The following ALPK3 variants were observed in gnomAD, a reference collection of about 807,000 sequenced individuals.
ALPK3 encodes alpha kinase 3, also known as alpha-protein kinase 3.
ALPK3 carries 102 observed loss-of-function variants against 140.0 expected under a neutral mutation model. The observed-to-expected ratio is 0.73, with a 90% CI of 0.62 to 0.86. The LOEUF is 0.86. Ranked by LOEUF, ALPK3 falls within the 40% of genes least tolerant of loss-of-function variation. The probability of loss-of-function intolerance (pLI) is 0.00; values close to 1 mark genes in which losing one functional copy is unlikely to be tolerated. For synonymous variants in ALPK3, 938 were observed against 898.5 expected, an observed-to-expected ratio of 1.04 and a Z score of -0.79; for missense variants, 2,254 against 2,208.2, an observed-to-expected ratio of 1.02 and a Z score of -0.42.
intron 5 of ALPK3, among the ~76,000 whole-genome samples, chr15:84,842,295 A>G (rs573731211): frequency 1.3e-5 from 2 of 152,382 alleles, no homozygotes; most frequent in South Asian, 4.1e-4. Flanking sequence ...CAGCCTCCCA[A>G]AATGTTGGGA....
rs1229855365 is a variant in ALPK3, at chr15:84,871,433, G to T, written c.*2977G>T. ...ACTTCTTTATAATGAGCCTGAAGTG[G>T]CCTGGTGGCTGCCTCAGCTTCCAGT... is the stretch of plus-strand genomic sequence containing the variant. On this transcript the variant is annotated 3_prime_UTR_variant, in exon 14 of 14. Transcript: ENST00000258888. 1 of 152,206 alleles carries T rather than the reference G, an allele frequency of 6.6e-6. No homozygotes were observed. Among genetic ancestry groups the T allele is most frequent in the Non-Finnish European group, 1.5e-5 (1 of 68,050 alleles). 9.4% of individuals were successfully genotyped at this position (152,206 alleles called of 1,614,324 possible). A position where few individuals can be genotyped will look rare whatever the true frequency, so the allele number is the denominator to read the frequency against.
chr15:84,817,782 T>C (rs1222963068), intron 1 of ALPK3, among the ~76,000 whole-genome samples, 187 bp downstream of exon 1: 3 of 152,188 alleles, frequency 2.0e-5, no homozygotes, highest in African/African-American at 7.2e-5. Flanking sequence ...TGACCCCTCC[T>C]GATCCATGCG....
At chr15:84,818,007 G>T (rs1316072680) in intron 1 of ALPK3, among the ~76,000 whole-genome samples, 1 of 152,214 alleles carries the variant, frequency 6.6e-6, no homozygotes, top group African/African-American at 2.4e-5. Context: ...ACAGGGAGAG[G>T]GTGCTGGGGG....
chr15:84,830,057 T>C (rs1963529527), intron 3 of ALPK3, among the ~76,000 whole-genome samples: 1 of 152,256 alleles, frequency 6.6e-6, no homozygotes, highest in African/African-American at 2.4e-5. Context: ...TAGCATACTA[T>C]GCTTGTATTT....
At chr15:84,847,405 T>C (rs1384284787) in intron 5 of ALPK3, among the ~76,000 whole-genome samples, 2 of 152,126 alleles carry the variant, frequency 1.3e-5, no homozygotes, top group Admixed American at 1.3e-4. Flanking sequence ...TTTCAAAATT[T>C]GGCAAAAGTC....
rs1428895102 is a variant in ALPK3, at chr15:84,873,427, A to G, written c.*4971A>G. The G allele has an allele frequency of 6.6e-6, 1 of 152,238 alleles. No homozygotes were observed. The highest frequency in any genetic ancestry group is 2.4e-5 in the African/African-American group (1 of 41,464). The allele number at this position is 152,238 out of a possible 1,614,324, so 9.4% of individuals were successfully genotyped here. On this transcript the variant is annotated 3_prime_UTR_variant, in exon 14 of 14. Coordinates refer to ENST00000258888, the MANE Select transcript of ALPK3 (RefSeq NM_020778.5). ...TCTGGCGATTTGAGCTTTTACGTAG[A>G]ATGTAGAATCTCTGGTGAGTGAACA...
chr15:84,861,497 G>GC (rs1963945282), intron 9 of ALPK3, among the ~76,000 whole-genome samples: 1 of 152,114 alleles, frequency 6.6e-6, no homozygotes, highest in Non-Finnish European at 1.5e-5. Flanking sequence ...TCATTCAGGT[G>GC]CATCTGTGTG....
At chr15:84,833,954 G>T (rs1203820140) in intron 3 of ALPK3, among the ~76,000 whole-genome samples, 1 of 106,102 alleles carries the variant, frequency 9.4e-6, no homozygotes, top group Non-Finnish European at 1.9e-5. Context: ...TGTAGATTCT[G>T]TGTTGTGTGT....
chr15:84,867,752 A>G (rs1048157083), intron 13 of ALPK3, among the ~76,000 whole-genome samples: 2 of 152,124 alleles, frequency 1.3e-5, no homozygotes, highest in Non-Finnish European at 2.9e-5. Flanking sequence ...GATGGATTCC[A>G]TGTGTCAGGG....
chr15:84,828,912 C>T (rs569609782), intron 3 of ALPK3, among the ~76,000 whole-genome samples: 2 of 152,346 alleles, frequency 1.3e-5, no homozygotes, highest in African/African-American at 4.8e-5. Context: ...GTTACTGTGG[C>T]ACTTACAGTT....
At chr15:84,838,146 G>A (rs896083399) in intron 3 of ALPK3, among the ~76,000 whole-genome samples, 6 of 151,798 alleles carry the variant, frequency 4.0e-5, no homozygotes, top group Non-Finnish European at 7.4e-5. Flanking sequence ...GTGGACAGAT[G>A]GATAATAGGT....
At chr15:84,854,413 G>A (rs1963838493) in intron 5 of ALPK3, among the ~76,000 whole-genome samples, 1 of 152,014 alleles carries the variant, frequency 6.6e-6, no homozygotes, top group South Asian at 2.1e-4. Flanking sequence ...CAGCCTCAGA[G>A]TAGCTAAGAT....
At chr15:84,831,659 A>C (rs1463638259) in intron 3 of ALPK3, among the ~76,000 whole-genome samples, 1 of 151,910 alleles carries the variant, frequency 6.6e-6, no homozygotes, top group African/African-American at 2.4e-5. Flanking sequence ...TGTTTAATTT[A>C]ATTTTGTCAT....
At position 84,864,618 on chromosome 15, in the gene ALPK3, G is replaced by T; in HGVS notation, c.4676G>T (p.Trp1559Leu). Residue 1559 changes from tryptophan (W) to leucine (L), a missense_variant, in exon 12 of 14, where the codon TGG becomes TTG. Transcript: ENST00000258888. ...CAGAAATGCCAGACCTTCCAACACT[G>T]GCTGTATCAGTGGACAAATGGCAGC... ...AMQKCQTFQH[W>L]LYQWTNGSFL... 6.2e-7 allele frequency: 1 copy of T among 1,614,220 alleles called. No individual in the cohort carries two copies. Among genetic ancestry groups the T allele is most frequent in the Non-Finnish European group, 8.5e-7 (1 of 1,180,034 alleles).
At chr15:84,822,128 G>A (rs746760428) in intron 1 of ALPK3, among the ~76,000 whole-genome samples, 60 of 152,112 alleles carry the variant, frequency 3.9e-4, no homozygotes, top group Middle Eastern at 3.4e-3. Context: ...TAAGGAGAGG[G>A]GGCTGAGGTG....
intron 4 of ALPK3, 106 bp downstream of exon 4, chr15:84,839,203 C>A (rs915052793): frequency 3.2e-6 from 3 of 938,174 alleles, no homozygotes; most frequent in African/African-American, 3.3e-5. Context: ...CCCAGGCACT[C>A]TCTGGGGATG....
chr15:84,855,470 A>T (rs1351850112), intron 5 of ALPK3, among the ~76,000 whole-genome samples: 3 of 152,098 alleles, frequency 2.0e-5, no homozygotes, highest in African/African-American at 7.2e-5. Flanking sequence ...TGCTTTGTTT[A>T]TTTCATGTTT....
At position 84,839,913 on chromosome 15, in the gene ALPK3, ACT is replaced by A. The variant is rs1177953977; in HGVS notation, c.637_638del (p.Leu213AlafsTer30). 2 of 1,613,818 alleles carry A rather than the reference ACT, an allele frequency of 1.2e-6. No homozygotes were observed. The highest frequency in any genetic ancestry group is 1.7e-6 in the Non-Finnish European group (2 of 1,179,886). On this transcript the variant is annotated frameshift_variant, in exon 5 of 14. Transcript: ENST00000258888. LOFTEE classifies it high-confidence loss of function. The part of the protein sequence containing the change: ...HEKAVPGEVD[T>X]LRKLSPDRFQ... ...GAAGGCGGTGCCTGGGGAGGTCGAC[ACT>A]CTGCGCAAGCTCAGCCCCGACCGCT... is the stretch of plus-strand genomic sequence containing the variant.
At chr15:84,827,741 T>C in intron 3 of ALPK3, 136 bp downstream of exon 3, 1 of 1,291,460 alleles carries the variant, frequency 7.7e-7, no homozygotes, top group Non-Finnish European at 1.1e-6. Context: ...TTTCTGAGCT[T>C]TCTCTCTAGT....
Sources: gnomAD v4.1 joint callset for allele counts (sites outside exome capture counted in the v4.1 genomes callset) on GRCh38, gnomAD v4.1.1 for gene constraint, MANE v1.5 for transcripts, NCBI Gene and HGNC (gene_info 2026-07-23, HGNC 2026-07-21) for gene names.